Variants in SREBF2 observed in about 807,000 individuals in gnomAD.
SREBF2 encodes sterol regulatory element-binding protein 2.
SREBF2 carries 55 observed loss-of-function variants against 113.1 expected under a neutral mutation model. The ratio of observed to expected loss-of-function variants is 0.49; its 90% CI spans 0.39 to 0.61. The LOEUF is 0.61. Among genes scored for constraint, SREBF2 ranks in the 20% least tolerant of loss-of-function variants. The pLI is 0.00. For missense variants in SREBF2, 1,349 were observed against 1,487.4 expected (o/e 0.91, Z 1.53); for synonymous variants, 593 against 605.7 (o/e 0.98, Z 0.31).
intron 1 of SREBF2, among the ~76,000 whole-genome samples, chr22:41,842,742 C>T (rs1268656717): frequency 1.3e-5 from 2 of 152,184 alleles, no homozygotes; most frequent in Non-Finnish European, 2.9e-5. Flanking sequence ...ATAATCCCAG[C>T]ACTTGGGGAG....
rs772080281 is a variant in SREBF2 at position 41,877,284 on chromosome 22, G to A, written c.1442G>A (p.Arg481Gln). The change falls in exon 8 of 19, where the codon CGG (arginine) becomes CAG (glutamine). Residue 481 changes from arginine (R) to glutamine (Q), a missense_variant. This residue lies in a region of SREBF2 where 699 missense variants were observed against 843.3 expected (regional missense o/e 0.83). Transcript: ENST00000361204. The part of the protein sequence containing the change: ...PVALGMVDRS[R>Q]ILLCVLTFLC... ...GCGCTGGGCATGGTAGACCGCTCACGGATTCTTCTGTGTGTCCTCACCTTC... is the reference window on the plus strand; with the variant it reads ...GCGCTGGGCATGGTAGACCGCTCACAGATTCTTCTGTGTGTCCTCACCTTC... 4.3e-6 allele frequency: 7 copies of A among 1,614,092 alleles called. No homozygotes were observed. Among genetic ancestry groups the A allele is most frequent in the Admixed American group, 1.7e-5 (1 of 59,996 alleles).
chr22:41,837,556 TAAAAAAA>T (rs764852977), intron 1 of SREBF2, among the ~76,000 whole-genome samples: 2 of 75,430 alleles, frequency 2.7e-5, no homozygotes, highest in African/African-American at 4.6e-5. Flanking sequence ...AGACTCTGTC[TAAAAAAA>T]AAAAAAAAAA....
chr22:41,893,026 C>T, intron 11 of SREBF2, 91 bp from the exon 12 acceptor site: 3 of 1,493,854 alleles, frequency 2.0e-6, no homozygotes, highest in Non-Finnish European at 2.8e-6. Context: ...CCCCAAAGCC[C>T]ACCTCCACCA....
chr22:41,842,786 A>G (rs1248714255), intron 1 of SREBF2, among the ~76,000 whole-genome samples: 1 of 152,160 alleles, frequency 6.6e-6, no homozygotes, highest in Non-Finnish European at 1.5e-5. Flanking sequence ...TCAGGAGATC[A>G]AGACCATCCT....
chr22:41,839,270 G>A (rs1401056261), intron 1 of SREBF2, among the ~76,000 whole-genome samples: 1 of 152,146 alleles, frequency 6.6e-6, no homozygotes, highest in African/African-American at 2.4e-5. Flanking sequence ...TGGGGTGCCT[G>A]GGGGTCATCC....
chr22:41,833,551 C>T lies in SREBF2; in HGVS notation c.88+193C>T. ...TGAGCCCGACCCAGCTGCGCCGCTC[C>T]GGGAGGCCGTGGGATCTGGGGCGCC... On this transcript the variant is annotated intron_variant, in intron 1 of 18. Transcript: ENST00000361204. The surrounding 1 kb of genome is among the most constrained non-coding windows in gnomAD (Gnocchi z 4.1). The T allele has an allele frequency of 2.1e-6, 1 of 469,588 alleles. No individual in the cohort carries two copies. The highest frequency in any genetic ancestry group is 3.7e-6 in the Non-Finnish European group (1 of 273,586). The allele number at this position is 469,588 out of a possible 1,614,324, so 29.1% of individuals were successfully genotyped here.
chr22:41,836,201 G>A (rs974160647), intron 1 of SREBF2, among the ~76,000 whole-genome samples: 4 of 152,222 alleles, frequency 2.6e-5, no homozygotes, highest in African/African-American at 4.8e-5. Context: ...AGACCTAGGG[G>A]CCAGGTTTGG....
rs1029016811 is a variant in SREBF2, at chr22:41,889,993, AAAAG to A, written c.2209-3114_2209-3111del. Among the ~76,000 whole-genome samples the A allele has an allele frequency of 8.6e-5, 13 of 151,910 alleles. No individual in the cohort carries two copies. The South Asian group carries it at 1.0e-3, about 12-fold the overall frequency. On this transcript the variant is annotated intron_variant, in intron 11 of 18. Transcript: ENST00000361204. The stretch of plus-strand genomic sequence containing the variant: ...GGGTGACAGAGCAAGACTCTGTCTC[AAAAG>A]AAAGAAAGAGAGAGAATATTTTGGA...
At chr22:41,890,646 T>C (rs2077351618) in intron 11 of SREBF2, among the ~76,000 whole-genome samples, 1 of 151,470 alleles carries the variant, frequency 6.6e-6, no homozygotes, top group African/African-American at 2.4e-5. Context: ...CTGGTGTCTA[T>C]AAAATTTAGG....
chr22:41,860,589 G>A (rs754970406), intron 1 of SREBF2, among the ~76,000 whole-genome samples: 10 of 152,164 alleles, frequency 6.6e-5, no homozygotes, highest in South Asian at 2.1e-4. Flanking sequence ...TAATAATGCC[G>A]AATAACTTGC....
At chr22:41,884,130 C>CA (rs372523398) in intron 10 of SREBF2, among the ~76,000 whole-genome samples, 3,601 of 151,884 alleles carry the variant, frequency 0.024, 133 homozygotes, top group African/African-American at 0.082. Flanking sequence ...ATTGTGAAGG[C>CA]GGGTTTTTTT....
At chr22:41,879,513 T>A (rs1487849080) in intron 9 of SREBF2, among the ~76,000 whole-genome samples, 1 of 152,130 alleles carries the variant, frequency 6.6e-6, no homozygotes, top group Non-Finnish European at 1.5e-5. Context: ...AGACTGGGAC[T>A]TGGGAATAGC....
chr22:41,890,948 A>G (rs1039535601), intron 11 of SREBF2, among the ~76,000 whole-genome samples: 6 of 151,922 alleles, frequency 3.9e-5, no homozygotes, highest in African/African-American at 1.2e-4. Context: ...CTTAAAATAC[A>G]TTTTTACTTA....
chr22:41,902,437 C>T (rs1292812512), intron 16 of SREBF2, among the ~76,000 whole-genome samples: 2 of 152,138 alleles, frequency 1.3e-5, no homozygotes, highest in Non-Finnish European at 2.9e-5. Flanking sequence ...GTGGCAAAGC[C>T]GGGTCAGTAG....
intron 1 of SREBF2, among the ~76,000 whole-genome samples, chr22:41,841,077 G>A (rs2076826371): frequency 6.6e-6 from 1 of 152,178 alleles, no homozygotes; most frequent in Non-Finnish European, 1.5e-5. Flanking sequence ...TTCAGTCTGG[G>A]TGTTCACACC....
intron 1 of SREBF2, among the ~76,000 whole-genome samples, chr22:41,839,235 A>C (rs905259813): frequency 6.6e-6 from 1 of 152,098 alleles, no homozygotes; most frequent in Non-Finnish European, 1.5e-5. Context: ...GAAATGATGA[A>C]AATTTATCTT....
rs560796837 is a variant in SREBF2 at position 41,865,232 on chromosome 22, A to AT, written c.89-1592dup. 1.0e-3 allele frequency among the ~76,000 whole-genome samples: 158 copies of AT among 151,856 alleles called. 1 individual carries two copies. The highest frequency in any genetic ancestry group is 3.8e-3 in the African/African-American group (156 of 41,394). On this transcript the variant is annotated intron_variant, in intron 1 of 18. Transcript: ENST00000361204. ...TGGGGGAATGGAGATGGTTCCTTTT[A>AT]TTTTTTTATAGTGGTGGTGTGGTGG...
rs2077167375 is a variant in SREBF2 at position 41,873,799 on chromosome 22, C to G, written c.869C>G (p.Thr290Ser). ...PIQTAALQVPTLVGSSGTILT... is the reference protein window; with the variant it reads ...PIQTAALQVPSLVGSSGTILT... ...GCTGTGTACCTGTCCCTATTCTAGACCCTGGTGGGCAGCAGTGGGACCATT... is the reference window on the plus strand; with the variant it reads ...GCTGTGTACCTGTCCCTATTCTAGAGCCTGGTGGGCAGCAGTGGGACCATT... Residue 290 changes from threonine (T) to serine (S), a missense_variant and splice_region_variant, in exon 5 of 19, where the codon ACC (threonine) becomes AGC (serine). This residue lies in a region of SREBF2 where 699 missense variants were observed against 843.3 expected (regional missense o/e 0.83). Transcript: ENST00000361204. The G allele has an allele frequency of 1.2e-6, 2 of 1,603,058 alleles. No individual in the cohort carries two copies. Among genetic ancestry groups the G allele is most frequent in the Non-Finnish European group, 1.7e-6 (2 of 1,174,490 alleles).
chr22:41,874,886 A>G (rs2077180223), intron 5 of SREBF2, among the ~76,000 whole-genome samples: 2 of 152,218 alleles, frequency 1.3e-5, no homozygotes, highest in South Asian at 2.1e-4. Flanking sequence ...CATCCTGGGC[A>G]ACAAGAGTGA....
Sources: allele counts gnomAD v4.1 joint callset (sites outside exome capture counted in the v4.1 genomes callset), GRCh38; gene constraint gnomAD v4.1.1; regional missense constraint gnomAD v4.1.1; non-coding constraint Gnocchi (gnomAD v3.1); transcripts MANE v1.5; gene names NCBI Gene and HGNC (gene_info 2026-07-23, HGNC 2026-07-21).